The following ANO6 variants were observed in gnomAD, a reference collection of about 807,000 sequenced individuals.
ANO6 encodes the protein anoctamin-6.
A neutral mutation model predicts 117.5 loss-of-function variants in ANO6; 106 were observed. The ratio of observed to expected loss-of-function variants is 0.90; its 90% CI spans 0.77 to 1.06. The LOEUF (loss-of-function observed/expected upper bound fraction) is 1.06. ANO6 is among the 50% of genes least tolerant of loss of function. The pLI is 0.00. For missense variants in ANO6, 955 were observed against 1,121.1 expected, an observed-to-expected ratio of 0.85 and a Z score of 2.12; for synonymous variants, 367 against 385.1, an observed-to-expected ratio of 0.95 and a Z score of 0.55.
chr12:45,280,548 G>A (rs770628073), intron 1 of ANO6, among the ~76,000 whole-genome samples: 4 of 152,120 alleles, frequency 2.6e-5, no homozygotes, highest in Admixed American at 6.5e-5. Flanking sequence ...CTGATTCTGG[G>A]AAAACATTGC....
At chr12:45,428,405 G>T (rs1353982661) in intron 19 of ANO6, among the ~76,000 whole-genome samples, 2 of 152,042 alleles carry the variant, frequency 1.3e-5, no homozygotes, top group Non-Finnish European at 2.9e-5. Flanking sequence ...TTGAGGACAG[G>T]AGTTTGAGAC....
rs757239433 is a variant in ANO6 at position 45,386,528 on chromosome 12, G to A, written c.1166-1633G>A. Among the ~76,000 whole-genome samples, 77 of 151,636 alleles carry A rather than the reference G, an allele frequency of 5.1e-4. 1 individual carries two copies. Among genetic ancestry groups the A allele is most frequent in the Non-Finnish European group, 9.3e-4 (63 of 67,966 alleles). ...CCATCTGTCATACCTGCATCCATCCGTCTGCCTTCTCAACGTCCCTCAAGG... is the reference window on the plus strand; with the variant it reads ...CCATCTGTCATACCTGCATCCATCCATCTGCCTTCTCAACGTCCCTCAAGG... On this transcript the variant is annotated intron_variant, in intron 10 of 19. Transcript: ENST00000320560.
At chr12:45,246,127 T>C (rs1323103033) in intron 1 of ANO6, among the ~76,000 whole-genome samples, 2 of 152,202 alleles carry the variant, frequency 1.3e-5, no homozygotes, top group African/African-American at 2.4e-5. Context: ...ATGTCTTTAA[T>C]TGATTTTATT....
chr12:45,404,712 C>G lies in ANO6; in HGVS notation c.1880+1176C>G, dbSNP rs146945354. Among the ~76,000 whole-genome samples, 1,006 of 152,156 alleles carry G rather than the reference C, an allele frequency of 6.6e-3. 11 individuals carry two copies. The highest frequency in any genetic ancestry group is 0.023 in the African/African-American group (937 of 41,494). On this transcript the variant is annotated intron_variant, in intron 15 of 19. Coordinates refer to ENST00000320560, the MANE Select transcript of ANO6 (RefSeq NM_001025356.3). ...CCTCCTCTCATCTCCCCCACCACCT[C>G]TTCCCTTGTTTAGAAATAAAAAACC...
chr12:45,373,164 A>G (rs918596092), intron 9 of ANO6, among the ~76,000 whole-genome samples: 23 of 152,322 alleles, frequency 1.5e-4, no homozygotes, highest in African/African-American at 4.6e-4. Flanking sequence ...AGAGCTAACT[A>G]TCCTAAATAT....
chr12:45,274,670 T>C (rs1179923338), intron 1 of ANO6, among the ~76,000 whole-genome samples: 2 of 151,602 alleles, frequency 1.3e-5, no homozygotes, highest in East Asian at 3.9e-4. Context: ...AAATTCAAAC[T>C]CTTGGCCATG....
At chr12:45,367,434 C>T (rs1941714315) in intron 8 of ANO6, among the ~76,000 whole-genome samples, 1 of 152,186 alleles carries the variant, frequency 6.6e-6, no homozygotes, top group Non-Finnish European at 1.5e-5. Context: ...CTGGCAGAGA[C>T]CTCCAGCTGA....
At chr12:45,267,833 G>A (rs1241323220) in intron 1 of ANO6, among the ~76,000 whole-genome samples, 2 of 152,046 alleles carry the variant, frequency 1.3e-5, no homozygotes, top group Non-Finnish European at 2.9e-5. Flanking sequence ...TGTATGAAGA[G>A]GCTAGCATAA....
chr12:45,353,290 C>T (rs1472839129), intron 7 of ANO6, among the ~76,000 whole-genome samples: 5 of 151,386 alleles, frequency 3.3e-5, no homozygotes, highest in African/African-American at 9.8e-5. Flanking sequence ...CATGAAGAGG[C>T]ACTTTCATTA....
intron 1 of ANO6, among the ~76,000 whole-genome samples, chr12:45,275,158 C>A (rs539764208): frequency 6.6e-6 from 1 of 152,082 alleles, no homozygotes; most frequent in South Asian, 2.1e-4. Context: ...TTCTCTAGAC[C>A]CTTAGATCCG....
intron 18 of ANO6, 65 bp from the exon 19 acceptor site, chr12:45,422,892 G>T: frequency 8.1e-7 from 1 of 1,229,570 alleles, no homozygotes; most frequent in Non-Finnish European, 1.2e-6. Context: ...TTTTAAATGG[G>T]GCCTTTGTTT....
At position 45,291,346 on chromosome 12, in the gene ANO6, CAAAAAAAAAAA is replaced by C. The variant is rs747924513; in HGVS notation, c.71-10655_71-10645del. 6.2e-5 allele frequency among the ~76,000 whole-genome samples: 3 copies of C among 48,236 alleles called. No homozygotes were observed. The East Asian group carries it at 2.0e-3, about 32-fold the overall frequency. 31.6% of individuals were successfully genotyped at this position (48,236 alleles called of 152,430 possible). A position where few individuals can be genotyped will look rare whatever the true frequency, so the allele number is the denominator to read the frequency against. ...GGGCAACAAGAGTGAAACTCCGTCT[CAAAAAAAAAAA>C]AAAAAAAAAAAACACAAAGGAAAAT... On this transcript the variant is annotated intron_variant, in intron 1 of 19. Coordinates refer to ENST00000320560, the MANE Select transcript of ANO6 (RefSeq NM_001025356.3).
At chr12:45,289,071 C>CAT (rs2137272563) in intron 1 of ANO6, among the ~76,000 whole-genome samples, 1 of 151,850 alleles carries the variant, frequency 6.6e-6, no homozygotes, top group African/African-American at 2.4e-5. Flanking sequence ...TATATACAGT[C>CAT]ATATAGCTGT....
At chr12:45,240,973 G>A (rs1212583443) in intron 1 of ANO6, among the ~76,000 whole-genome samples, 1 of 152,154 alleles carries the variant, frequency 6.6e-6, no homozygotes, top group Admixed American at 6.5e-5. Flanking sequence ...CTCTCTGGCT[G>A]CCCTTCACAT....
chr12:45,367,130 C>T (rs559433073), intron 8 of ANO6, among the ~76,000 whole-genome samples: 1 of 152,150 alleles, frequency 6.6e-6, no homozygotes, highest in African/African-American at 2.4e-5. Context: ...TACAGGCACG[C>T]ACCACCATGC....
At chr12:45,368,973 G>T (rs1206980162) in intron 9 of ANO6, among the ~76,000 whole-genome samples, 2 of 152,134 alleles carry the variant, frequency 1.3e-5, no homozygotes, top group African/African-American at 4.8e-5. Context: ...CACCCGCCTA[G>T]TAACTGGCAA....
intron 3 of ANO6, among the ~76,000 whole-genome samples, chr12:45,345,710 A>G (rs188959811): frequency 6.6e-6 from 1 of 152,288 alleles, no homozygotes; most frequent in East Asian, 1.9e-4. Flanking sequence ...TGAGGCATGG[A>G]GAGTTTAATT....
intron 1 of ANO6, among the ~76,000 whole-genome samples, chr12:45,283,338 C>T (rs1468155347): frequency 1.2e-4 from 18 of 152,064 alleles, no homozygotes; most frequent in Admixed American, 1.2e-3. Flanking sequence ...GCTGAAGTCA[C>T]AAGAAGTCCT....
rs1565715706 is a variant in ANO6 at position 45,357,320 on chromosome 12, CTT to C, written c.896_897del (p.Phe299CysfsTer27). On this transcript the variant is annotated frameshift_variant, in exon 8 of 20. Coordinates refer to ENST00000320560, the MANE Select transcript of ANO6 (RefSeq NM_001025356.3). LOFTEE classifies it high-confidence loss of function. Reference protein sequence around the residue: ...KYYGEKIGIYFAWLGYYTQML... With the variant: ...KYYGEKIGIYXAWLGYYTQML... ...ACTATGGAGAGAAGATTGGAATCTA[CTT>C]TGCTTGGCTGGGCTATTACACTCAG... 1.2e-6 allele frequency: 2 copies of C among 1,613,998 alleles called. No homozygotes were observed. The highest frequency in any genetic ancestry group is 2.2e-5 in the South Asian group (2 of 91,076).
Sources: gnomAD v4.1 joint callset for allele counts (sites outside exome capture counted in the v4.1 genomes callset) on GRCh38, gnomAD v4.1.1 for gene constraint, MANE v1.5 for transcripts, NCBI Gene and HGNC (gene_info 2026-07-23, HGNC 2026-07-21) for gene names.